The following STON2 variants were observed in gnomAD, a reference collection of about 807,000 sequenced individuals.
The protein encoded by STON2 is stonin-2.
A neutral mutation model predicts 65.7 loss-of-function variants in STON2; 29 were observed. The observed-to-expected ratio is 0.44, with a 90% CI of 0.33 to 0.60. The LOEUF is 0.60. STON2 is among the 20% of genes least tolerant of loss of function. The probability of loss-of-function intolerance (pLI) is 0.03; values close to 1 mark genes in which losing one functional copy is unlikely to be tolerated. For missense variants in STON2, 1,054 were observed against 1,118.1 expected (o/e 0.94, Z 0.82); for synonymous variants, 404 against 414.2 (o/e 0.98, Z 0.30).
At chr14:81,286,302 C>T (rs544998718) in intron 5 of STON2, among the ~76,000 whole-genome samples, 149 of 152,268 alleles carry the variant, frequency 9.8e-4, no homozygotes, top group African/African-American at 3.5e-3. Flanking sequence ...AATAGCATCA[C>T]ATACTACAGA....
At chr14:81,408,161 G>A (rs113766640) in intron 2 of STON2, among the ~76,000 whole-genome samples, 21 of 117,344 alleles carry the variant, frequency 1.8e-4, no homozygotes, top group African/African-American at 8.6e-4. Context: ...ACACACACGC[G>A]CACACACACA....
intron 6 of STON2, among the ~76,000 whole-genome samples, chr14:81,273,359 C>CA (rs1303801234): frequency 6.6e-6 from 1 of 152,200 alleles, no homozygotes; most frequent in Non-Finnish European, 1.5e-5. Flanking sequence ...AATTCAACAA[C>CA]AAAAAATTCA....
chr14:81,340,761 A>G (rs1897577895), intron 4 of STON2, among the ~76,000 whole-genome samples: 1 of 152,118 alleles, frequency 6.6e-6, no homozygotes, highest in Non-Finnish European at 1.5e-5. Context: ...TTGAATGGAA[A>G]ATGAACTAGG....
intron 2 of STON2, among the ~76,000 whole-genome samples, chr14:81,407,029 G>A (rs1900900721): frequency 6.6e-6 from 1 of 152,186 alleles, no homozygotes; most frequent in Non-Finnish European, 1.5e-5. Context: ...CCACACTGCA[G>A]TCACGAAACT....
chr14:81,401,415 A>AC (rs200906173), upstream of STON2, among the ~76,000 whole-genome samples: 4,153 of 151,938 alleles, frequency 0.027, 83 homozygotes, highest in African/African-American at 0.052. Context: ...ATCACATGGA[A>AC]CCCCCCATCA....
At chr14:81,326,823 A>G (rs1461763578) in intron 4 of STON2, among the ~76,000 whole-genome samples, 1 of 152,216 alleles carries the variant, frequency 6.6e-6, no homozygotes, top group Non-Finnish European at 1.5e-5. Flanking sequence ...ATCCCTGCTA[A>G]CACAGTTGCA....
intron 3 of STON2, among the ~76,000 whole-genome samples, chr14:81,378,772 G>A (rs79728261): frequency 0.026 from 4,029 of 152,144 alleles, 191 homozygotes; most frequent in African/African-American, 0.092. Context: ...GAGAATACAT[G>A]GGTTAACATT....
intron 1 of STON2, among the ~76,000 whole-genome samples, chr14:81,433,539 T>C (rs986495524): frequency 1.3e-5 from 2 of 152,254 alleles, no homozygotes; most frequent in African/African-American, 4.8e-5. Context: ...TGCTCAGCCA[T>C]ACCTTGCTGT....
At position 81,261,498 on chromosome 14, in the gene STON2, A is replaced by C. The variant is rs989139295; in HGVS notation, c.*6916T>G. The stretch of plus-strand genomic sequence containing the variant: ...ATTTTGTAGCTTGTACATAGTTTAA[A>C]ATTTTTTTAACTACAATTTGATGTT... On this transcript the variant is annotated 3_prime_UTR_variant, in exon 8 of 8. Coordinates refer to ENST00000614646, the MANE Select transcript of STON2 (RefSeq NM_001394390.1). The C allele has an allele frequency of 3.9e-6, 1 of 253,526 alleles. No homozygotes were observed. The highest frequency in any genetic ancestry group is 1.2e-3 in the Middle Eastern group (1 of 846). 15.7% of individuals were successfully genotyped at this position (253,526 alleles called of 1,614,324 possible).
chr14:81,349,616 A>G (rs150480453), intron 4 of STON2, among the ~76,000 whole-genome samples: 1 of 152,274 alleles, frequency 6.6e-6, no homozygotes, highest in African/African-American at 2.4e-5. Context: ...GAAAGGGGCA[A>G]TACTGCTGGT....
intron 4 of STON2, among the ~76,000 whole-genome samples, chr14:81,346,950 T>C (rs1897832075): frequency 1.3e-5 from 2 of 151,908 alleles, no homozygotes; most frequent in East Asian, 1.9e-4. Flanking sequence ...AACGTATACA[T>C]CAAAAAATTA....
chr14:81,388,467 C>A (rs1036568551), intron 3 of STON2, among the ~76,000 whole-genome samples: 12 of 152,172 alleles, frequency 7.9e-5, no homozygotes, highest in Admixed American at 7.2e-4. Flanking sequence ...AAATAAGTAG[C>A]AGCCAGGTCA....
At chr14:81,357,962 G>A (rs965988649) in intron 4 of STON2, among the ~76,000 whole-genome samples, 5 of 150,818 alleles carry the variant, frequency 3.3e-5, no homozygotes, top group South Asian at 2.1e-4. Flanking sequence ...TGGGTGCAGC[G>A]CACCAGCATG....
intron 2 of STON2, among the ~76,000 whole-genome samples, chr14:81,407,033 C>T (rs2371597): frequency 6.6e-6 from 1 of 152,024 alleles, no homozygotes. Flanking sequence ...ACTGCAGTCA[C>T]GAAACTCTTC....
At chr14:81,346,534 G>GA (rs1171560039) in intron 4 of STON2, among the ~76,000 whole-genome samples, 21 of 151,686 alleles carry the variant, frequency 1.4e-4, no homozygotes, top group Admixed American at 1.3e-3. Flanking sequence ...TTGTTGTTAA[G>GA]AAAAAAAAGA....
rs1894873688 is a variant in STON2 at position 81,277,261 on chromosome 14, T to C, written c.2221A>G (p.Lys741Glu). 2 of 1,614,030 alleles carry C rather than the reference T, an allele frequency of 1.2e-6. No individual in the cohort carries two copies. The highest frequency in any genetic ancestry group is 2.7e-5 in the African/African-American group (2 of 74,914). ...LMRFRTVFAE[K>E]TLPFTLRTAT... ...GTCCTGAGTGTGAAAGGCAAGGTCT[T>C]CTCAGCAAACACTGTCCTGAACCGC... The change falls in exon 6 of 8, where the codon AAG becomes GAG. Residue 741 changes from lysine (K) to glutamate (E), a missense_variant. Coordinates refer to ENST00000614646, the MANE Select transcript of STON2 (RefSeq NM_001394390.1).
intron 7 of STON2, 82 bp downstream of exon 7, chr14:81,270,562 AGGTTACCAGGCGAACATAGTAAGCAT>A (rs1894534062): frequency 6.2e-7 from 1 of 1,601,404 alleles, no homozygotes; most frequent in Non-Finnish European, 8.5e-7. Context: ...AGGCAGTAAG[AGGTTACCAGGCGAACATAGTAAGCAT>A]GGCTAAAAGG....
At chr14:81,388,520 C>A (rs2140417063) in intron 3 of STON2, among the ~76,000 whole-genome samples, 1 of 152,284 alleles carries the variant, frequency 6.6e-6, no homozygotes, top group African/African-American at 2.4e-5. Context: ...CTAAGGTTCT[C>A]AGTGCAGCTT....
At chr14:81,361,901 C>G (rs1031020801) in intron 4 of STON2, among the ~76,000 whole-genome samples, 2 of 152,078 alleles carry the variant, frequency 1.3e-5, no homozygotes, top group African/African-American at 4.8e-5. Flanking sequence ...TACTCAACAT[C>G]ATTAACCATT....
Sources: allele counts gnomAD v4.1 joint callset (sites outside exome capture counted in the v4.1 genomes callset), GRCh38; gene constraint gnomAD v4.1.1; transcripts MANE v1.5; gene names NCBI Gene and HGNC (gene_info 2026-07-23, HGNC 2026-07-21).